The following CDC25B variants were observed in gnomAD, a reference collection of about 807,000 sequenced individuals.
The protein encoded by CDC25B is M-phase inducer phosphatase 2.
In CDC25B, 33 loss-of-function variants were observed where a neutral mutation model predicts 69.8. That is an observed-to-expected ratio of 0.47 (90% CI 0.36 to 0.63). CDC25B has a LOEUF of 0.63. Among genes scored for constraint, CDC25B ranks in the 30% least tolerant of loss-of-function variants. CDC25B has a pLI of 0.00. For missense variants in CDC25B, 727 were observed against 809.1 expected, an observed-to-expected ratio of 0.90 and a Z score of 1.23; for synonymous variants, 341 against 314.6, an observed-to-expected ratio of 1.08 and a Z score of -0.89.
intron 1 of CDC25B, 150 bp from the exon 2 acceptor site, chr20:3,797,472 C>G: frequency 9.8e-7 from 1 of 1,017,716 alleles, no homozygotes; most frequent in Non-Finnish European, 1.4e-6. Flanking sequence ...CTTCCTTGAC[C>G]TGAGAAGAGG....
Position 3,805,054 on chromosome 20 carries a change from C to T in CDC25B, c.*93C>T, listed in dbSNP as rs2089432454. 2 of 1,337,118 alleles carry T rather than the reference C, an allele frequency of 1.5e-6. No individual in the cohort carries two copies. The highest frequency in any genetic ancestry group is 1.0e-6 in the Non-Finnish European group (1 of 985,100). 82.8% of individuals were successfully genotyped at this position (1,337,118 alleles called of 1,614,324 possible). On this transcript the variant is annotated 3_prime_UTR_variant, in exon 16 of 16. Transcript: ENST00000245960. ...GCCGGGCTGAGGGCCTGCTGGAGGC[C>T]TCAGGTGCTGTCCATGGGAAAGATG...
At chr20:3,797,801 G>A (rs771766316) in intron 2 of CDC25B, 52 bp downstream of exon 2, 1 of 1,601,960 alleles carries the variant, frequency 6.2e-7, no homozygotes, top group South Asian at 1.1e-5. Flanking sequence ...AGAGTTTGTG[G>A]GGGCTGCCTG....
upstream of CDC25B, among the ~76,000 whole-genome samples, chr20:3,792,960 T>A (rs938149211): frequency 1.3e-5 from 2 of 152,236 alleles, no homozygotes; most frequent in African/African-American, 4.8e-5. Flanking sequence ...GCCCTTTAAA[T>A]GTTGCAAGTA....
chr20:3,804,274 C>T (rs1255908740), intron 14 of CDC25B, among the ~76,000 whole-genome samples: 2 of 152,206 alleles, frequency 1.3e-5, no homozygotes. Flanking sequence ...GCCCACTTGT[C>T]TCCTCTCCTG....
intron 10 of CDC25B, 44 bp from the exon 11 acceptor site, chr20:3,802,237 G>C (rs2089310421): frequency 1.3e-6 from 2 of 1,568,596 alleles, no homozygotes; most frequent in Admixed American, 3.4e-5. Flanking sequence ...GCACTGGGGG[G>C]CAGCCCCACC....
chr20:3,805,182 GAGTT>G lies in CDC25B; in HGVS notation c.*227_*230del, dbSNP rs1034251298. 2.4e-4 allele frequency: 137 copies of G among 580,526 alleles called. 1 individual carries two copies. In the African/African-American group the frequency reaches 2.4e-3, roughly 10 times the overall value. The allele number at this position is 580,526 out of a possible 1,614,324, so 36.0% of individuals were successfully genotyped here. A position where few individuals can be genotyped will look rare whatever the true frequency, so the allele number is the denominator to read the frequency against. On this transcript the variant is annotated 3_prime_UTR_variant, in exon 16 of 16. Transcript: ENST00000245960. ...CACCCCTGGAAGAGCCCAGTCTGTT[GAGTT>G]AGTTAAGTTGGGTTAATACCAGCTT...
At chr20:3,799,598 GC>G (rs2146682550) in intron 3 of CDC25B, among the ~76,000 whole-genome samples, 1 of 152,252 alleles carries the variant, frequency 6.6e-6, no homozygotes, top group East Asian at 1.9e-4. Context: ...AGGGGGCGGG[GC>G]CTCAGAGGGA....
At chr20:3,791,679 C>G (rs1474756938), upstream of CDC25B, among the ~76,000 whole-genome samples, 1 of 152,096 alleles carries the variant, frequency 6.6e-6, no homozygotes, top group Non-Finnish European at 1.5e-5. Flanking sequence ...GACTTGGACT[C>G]AAAACAAAAA....
rs747960496 is a variant in CDC25B, at chr20:3,803,143, C to T, written c.1293C>T (p.Ile431=). ...VALLTGKFSN[I]VDKFVIVDCR... is the part of the protein sequence containing the mutation. The stretch of plus-strand genomic sequence containing the variant: ...TATTGACGGGCAAGTTCAGCAACAT[C>T]GTGGATAAGTTTGTGATTGTAGACT... The change falls in exon 13 of 16, where the codon ATC becomes ATT. Residue 431 remains isoleucine (I), a synonymous_variant. Coordinates refer to ENST00000245960, the MANE Select transcript of CDC25B (RefSeq NM_021873.4). The surrounding 1 kb of genome is among the most constrained non-coding windows in gnomAD (Gnocchi z 4.9). 9 of 1,614,004 alleles carry T rather than the reference C, an allele frequency of 5.6e-6. 1 individual carries two copies. The South Asian group carries it at 6.6e-5, about 12-fold the overall frequency.
Position 3,801,975 on chromosome 20 carries a change from C to T in CDC25B, c.973C>T (p.Pro325Ser). The part of the protein sequence containing the change: ...CQRLFRSPSM[P>S]CSVIRPILKR... ...GCGGCTCTTCCGCTCTCCGTCCATGCCCTGCAGCGTGATCCGGCCCATCCT... is the reference window on the plus strand; with the variant it reads ...GCGGCTCTTCCGCTCTCCGTCCATGTCCTGCAGCGTGATCCGGCCCATCCT... Residue 325 changes from proline (P) to serine (S), a missense_variant, in exon 10 of 16, where the codon CCC becomes TCC. Pro to Ser is a moderately conservative substitution (Grantham distance 74). This residue lies in a region of CDC25B where 359 missense variants were observed against 463.4 expected (regional missense o/e 0.77). Transcript: ENST00000245960. 1 of 1,611,482 alleles carries T rather than the reference C, an allele frequency of 6.2e-7. No homozygotes were observed. Among genetic ancestry groups the T allele is most frequent in the Non-Finnish European group, 8.5e-7 (1 of 1,178,902 alleles).
At chr20:3,796,207 C>T (rs2089031155), upstream of CDC25B, 26 of 1,191,746 alleles carry the variant, frequency 2.2e-5, no homozygotes, top group Non-Finnish European at 2.7e-5. Flanking sequence ...GCCCCGCCCT[C>T]AGTCCCGCCC....
chr20:3,802,708 C>T, intron 11 of CDC25B: 6 of 613,226 alleles, frequency 9.8e-6, no homozygotes, highest in Admixed American at 5.8e-5. Flanking sequence ...TTCCCTTTTT[C>T]ATTTCTCTTT....
chr20:3,794,795 C>T (rs2088983168), upstream of CDC25B, among the ~76,000 whole-genome samples: 1 of 152,090 alleles, frequency 6.6e-6, no homozygotes, highest in East Asian at 1.9e-4. Flanking sequence ...ATGCATTGGC[C>T]CACCCAGCCC....
chr20:3,801,625 A>G lies in CDC25B; in HGVS notation c.841-97A>G, dbSNP rs1370655044. On this transcript the variant is annotated intron_variant, in intron 8 of 15. Coordinates refer to ENST00000245960, the MANE Select transcript of CDC25B (RefSeq NM_021873.4). ...TTCTCACCCCAACCTGGAGTTTGCC[A>G]GGGAAACAGGGAAGGCTGTGCTGGA... is the stretch of plus-strand genomic sequence containing the variant. 5 of 1,170,332 alleles carry G rather than the reference A, an allele frequency of 4.3e-6. No homozygotes were observed. The South Asian group carries it at 4.5e-5, about 11-fold the overall frequency. 72.5% of individuals were successfully genotyped at this position (1,170,332 alleles called of 1,614,324 possible).
At chr20:3,790,045 G>C (rs1438932621) in intron 1 of CDC25B, among the ~76,000 whole-genome samples, 1 of 151,902 alleles carries the variant, frequency 6.6e-6, no homozygotes, top group Non-Finnish European at 1.5e-5. Flanking sequence ...CTAGCTCCTA[G>C]GGAGGCTGGG....
chr20:3,797,668 AGCC>A lies in CDC25B; in HGVS notation c.251_253del (p.Arg84del), dbSNP rs1341668223. 4 of 1,614,004 alleles carry A rather than the reference AGCC, an allele frequency of 2.5e-6. No homozygotes were observed. Among genetic ancestry groups the A allele is most frequent in the Non-Finnish European group, 3.4e-6 (4 of 1,180,028 alleles). ...AGGGACCCTGCTCTTCCGCAGCCGC[AGCC>A]GCCTGACGCACCTATCCCTGTCTCG... On this transcript the variant is annotated inframe_deletion, in exon 2 of 16. Coordinates refer to ENST00000245960, the MANE Select transcript of CDC25B (RefSeq NM_021873.4).
rs762603447 is a variant in CDC25B, at chr20:3,797,623, G to A, written c.202G>A (p.Glu68Lys). 5.0e-6 allele frequency: 8 copies of A among 1,614,036 alleles called. No homozygotes were observed. The highest frequency in any genetic ancestry group is 2.2e-5 in the East Asian group (1 of 44,882). The stretch of plus-strand genomic sequence containing the variant: ...CCCGGGTCCCTGTTCCCTTCCCAGC[G>A]AAACCCCAAAGAGTCAGGTAGGGAC... ...TMHDLAGLGS[E>K]TPKSQVGTLL... Residue 68 changes from glutamate to lysine, a missense_variant and splice_region_variant, in exon 2 of 16, where the codon GAA becomes AAA. Physicochemically the swap from Glu to Lys is moderately conservative, Grantham distance 56 (BLOSUM62 1). Coordinates refer to ENST00000245960, the MANE Select transcript of CDC25B (RefSeq NM_021873.4).
At chr20:3,795,847 T>C (rs1674206116), upstream of CDC25B, 1 of 984,366 alleles carries the variant, frequency 1.0e-6, no homozygotes, top group South Asian at 4.7e-5. Context: ...GTGACCTTGA[T>C]TGAGTTAATG....
At chr20:3,793,975 C>T (rs1207686139), upstream of CDC25B, among the ~76,000 whole-genome samples, 2 of 147,834 alleles carry the variant, frequency 1.4e-5, no homozygotes, top group Admixed American at 6.7e-5. Context: ...ATATGTGCCA[C>T]ATTTTCTTAA....
Sources: allele counts gnomAD v4.1 joint callset (sites outside exome capture counted in the v4.1 genomes callset), GRCh38; gene constraint gnomAD v4.1.1; regional missense constraint gnomAD v4.1.1; non-coding constraint Gnocchi (gnomAD v3.1); transcripts MANE v1.5; gene names NCBI Gene and HGNC (gene_info 2026-07-23, HGNC 2026-07-21).